Variants in ST7L observed in about 807,000 individuals in gnomAD.
The protein encoded by ST7L is suppression of tumorigenicity 7 like.
A neutral mutation model predicts 72.5 loss-of-function variants in ST7L; 57 were observed. The ratio of observed to expected loss-of-function variants is 0.79; its 90% CI spans 0.64 to 0.98. The LOEUF is 0.98. ST7L is among the 50% of genes least tolerant of loss of function. The probability of loss-of-function intolerance (pLI) is 0.00; values close to 1 mark genes in which losing one functional copy is unlikely to be tolerated. For missense variants in ST7L, 576 were observed against 672.2 expected (o/e 0.86, Z 1.58); for synonymous variants, 221 against 240.9 (o/e 0.92, Z 0.77).
At chr1:112,547,592 A>T (rs1657349294) in intron 13 of ST7L, among the ~76,000 whole-genome samples, 1 of 71,284 alleles carries the variant, frequency 1.4e-5, no homozygotes, top group Non-Finnish European at 2.6e-5. Context: ...TTTTTTGGAG[A>T]CAGAGTCTTA....
chr1:112,606,639 T>C (rs879868396), intron 3 of ST7L, among the ~76,000 whole-genome samples: 2 of 152,220 alleles, frequency 1.3e-5, no homozygotes, highest in Non-Finnish European at 2.9e-5. Context: ...AAATCTGAGT[T>C]AGTCAGCTCA....
At chr1:112,519,950 T>C (rs994156352), downstream of ST7L, among the ~76,000 whole-genome samples, 1 of 149,842 alleles carries the variant, frequency 6.7e-6, no homozygotes, top group Non-Finnish European at 1.5e-5. Context: ...CTTGGCTCAC[T>C]GCAGCCTCGA....
chr1:112,555,852 G>T lies in ST7L; in HGVS notation c.1396+16C>A. On this transcript the variant is annotated intron_variant, in intron 12 of 14. Transcript: ENST00000358039. ...AGTTAGAGAGATTAGTGTTACTTTT[G>T]GAAAAGAATACTTACTGCCTTCCCA... The T allele has an allele frequency of 1.4e-6, 2 of 1,478,554 alleles. No homozygotes were observed. Among genetic ancestry groups the T allele is most frequent in the Non-Finnish European group, 9.0e-7 (1 of 1,107,440 alleles). The allele number at this position is 1,478,554 out of a possible 1,614,324, so 91.6% of individuals were successfully genotyped here.
At position 112,577,054 on chromosome 1, in the gene ST7L, T is replaced by G; in HGVS notation, c.1177A>C (p.Ser393Arg). Reference sequence around the variant, plus strand: ...TCCACGGCATTAATTTCTGCTGTGCTTAATCCTCTTCTGGAGGCTGTTTCT... The same window carrying G: ...TCCACGGCATTAATTTCTGCTGTGCGTAATCCTCTTCTGGAGGCTGTTTCT... ...SPETASRRGL[S>R]TAEINAVEAI... Residue 393 changes from serine (S) to arginine (R), a missense_variant, in exon 11 of 15, where the codon AGC becomes CGC. Transcript: ENST00000358039. 6.2e-7 allele frequency: 1 copy of G among 1,608,516 alleles called. No individual in the cohort carries two copies. The highest frequency in any genetic ancestry group is 1.3e-5 in the African/African-American group (1 of 74,922).
chr1:112,585,433 C>G (rs1664720166), intron 6 of ST7L, among the ~76,000 whole-genome samples: 1 of 152,176 alleles, frequency 6.6e-6, no homozygotes, highest in African/African-American at 2.4e-5. Flanking sequence ...AAAGTACTGA[C>G]TATATGTTAA....
At chr1:112,531,519 A>G (rs1045960043) in intron 14 of ST7L, among the ~76,000 whole-genome samples, 4 of 152,214 alleles carry the variant, frequency 2.6e-5, no homozygotes, top group Non-Finnish European at 4.4e-5. Context: ...AGCATAATCT[A>G]TTAGTCTAGA....
chr1:112,536,057 T>C (rs2101287061), intron 14 of ST7L, among the ~76,000 whole-genome samples: 1 of 152,328 alleles, frequency 6.6e-6, no homozygotes, highest in Non-Finnish European at 1.5e-5. Context: ...AGGTTTATTT[T>C]ATTATCTGTA....
At chr1:112,618,205 T>C (rs2101107175) in intron 1 of ST7L, 1 of 1,195,034 alleles carries the variant, frequency 8.4e-7, no homozygotes, top group Non-Finnish European at 1.1e-6. Flanking sequence ...AGCTAAAGAA[T>C]AGTACAGTAT....
intron 11 of ST7L, among the ~76,000 whole-genome samples, chr1:112,559,685 T>A (rs1329264457): frequency 6.6e-6 from 1 of 152,156 alleles, no homozygotes; most frequent in Non-Finnish European, 1.5e-5. Context: ...TTAATCATTT[T>A]AAAAATCTTC....
intron 1 of ST7L, chr1:112,618,347 CTATTT>C: frequency 3.6e-6 from 3 of 828,406 alleles, no homozygotes; most frequent in Non-Finnish European, 4.4e-6. Context: ...ACTTCCTGTA[CTATTT>C]TATTACTCAA....
At chr1:112,563,153 CAA>C (rs1318375081) in intron 11 of ST7L, among the ~76,000 whole-genome samples, 12 of 151,488 alleles carry the variant, frequency 7.9e-5, no homozygotes, top group Admixed American at 3.3e-4. Context: ...TGAAGGCAAA[CAA>C]GAGTCAGTGA....
chr1:112,600,952 C>T, intron 3 of ST7L, 104 bp from the exon 4 acceptor site: 4 of 903,726 alleles, frequency 4.4e-6, no homozygotes, highest in Non-Finnish European at 6.8e-6. Context: ...GTGCTAGCCA[C>T]AGATGGTACA....
rs778940483 is a variant in ST7L at position 112,582,025 on chromosome 1, G to A, written c.1036C>T (p.Pro346Ser). The A allele has an allele frequency of 1.2e-6, 2 of 1,613,210 alleles. No homozygotes were observed. The highest frequency in any genetic ancestry group is 1.1e-5 in the South Asian group (1 of 91,046). ...TTTGCTAGGACTGCCTGAACATCTG[G>A]ATAGGCCTGTAATTCTAAAAGTGAT... ...LESLLELQAY[P>S]DVQAVLAKYD... is the part of the protein sequence containing the mutation. The change falls in exon 9 of 15, where the codon CCA becomes TCA. Residue 346 changes from proline (P) to serine (S), a missense_variant. Physicochemically the swap from Pro to Ser is moderately conservative, Grantham distance 74. Around this residue, in one of 3 missense-constraint regions of ST7L, gnomAD observed 511 missense variants for 600.7 expected, o/e 0.85. Coordinates refer to ENST00000358039, the MANE Select transcript of ST7L (RefSeq NM_017744.5).
In ST7L at chr1:112,523,904, A is replaced by G. The variant is rs1415899451; in HGVS notation, c.*2109T>C. The G allele has an allele frequency of 6.6e-6, 1 of 152,178 alleles. No individual in the cohort carries two copies. The highest frequency in any genetic ancestry group is 1.9e-4 in the East Asian group (1 of 5,174). 9.4% of individuals were successfully genotyped at this position (152,178 alleles called of 1,614,324 possible). On this transcript the variant is annotated 3_prime_UTR_variant, in exon 15 of 15. Coordinates refer to ENST00000358039, the MANE Select transcript of ST7L (RefSeq NM_017744.5). Reference sequence around the variant, plus strand: ...GCCTTAACCTAGCCCTGCAGATAAAAGCTAACTTTTATTAATACCAGCCCT... The same window carrying G: ...GCCTTAACCTAGCCCTGCAGATAAAGGCTAACTTTTATTAATACCAGCCCT...
At chr1:112,580,672 C>A (rs1663960267) in intron 9 of ST7L, among the ~76,000 whole-genome samples, 1 of 152,158 alleles carries the variant, frequency 6.6e-6, no homozygotes, top group Non-Finnish European at 1.5e-5. Context: ...CGCCTGTAAT[C>A]CCAGCACTTT....
chr1:112,585,716 G>C (rs899595564), intron 6 of ST7L, among the ~76,000 whole-genome samples: 3 of 148,384 alleles, frequency 2.0e-5, no homozygotes, highest in Non-Finnish European at 4.5e-5. Flanking sequence ...CTGGGTGACA[G>C]AGTGAGACTC....
rs541302211 is a variant in ST7L at position 112,568,900 on chromosome 1, T to A, written c.1245+8086A>T. 1.4e-3 allele frequency among the ~76,000 whole-genome samples: 182 copies of A among 127,156 alleles called. 1 individual carries two copies. The highest frequency in any genetic ancestry group is 3.8e-3 in the South Asian group (16 of 4,168). The allele number at this position is 127,156 out of a possible 152,430, so 83.4% of individuals were successfully genotyped here. ...TATATATATATATAAAACAAAAATT[T>A]AAAAATATGCAACTTGAACATATAT... On this transcript the variant is annotated intron_variant, in intron 11 of 14. Coordinates refer to ENST00000358039, the MANE Select transcript of ST7L (RefSeq NM_017744.5).
intron 1 of ST7L, among the ~76,000 whole-genome samples, chr1:112,617,601 A>G (rs1354474856): frequency 1.3e-5 from 2 of 151,994 alleles, no homozygotes; most frequent in Admixed American, 6.6e-5. Flanking sequence ...AGTCCCAGCT[A>G]CTTGGGAGGC....
intron 3 of ST7L, among the ~76,000 whole-genome samples, chr1:112,604,590 TG>T (rs1399020930): frequency 6.6e-6 from 1 of 151,672 alleles, no homozygotes; most frequent in Non-Finnish European, 1.5e-5. Context: ...GAAAGGGTAA[TG>T]GTTACCAAGT....
Sources: allele counts gnomAD v4.1 joint callset (sites outside exome capture counted in the v4.1 genomes callset), GRCh38; gene constraint gnomAD v4.1.1; regional missense constraint gnomAD v4.1.1; transcripts MANE v1.5; gene names NCBI Gene and HGNC (gene_info 2026-07-23, HGNC 2026-07-21).